Variants in BTRC observed in about 807,000 individuals in gnomAD.
The protein encoded by BTRC is F-box/WD repeat-containing protein 1A.
BTRC carries 42 observed loss-of-function variants against 85.5 expected under a neutral mutation model. That is an observed-to-expected ratio of 0.49 (90% CI 0.38 to 0.64). The LOEUF (loss-of-function observed/expected upper bound fraction) is 0.64, where lower values mean the gene tolerates loss of function less well. BTRC is among the 30% of genes least tolerant of loss of function. The pLI is 0.00. For synonymous variants in BTRC, 255 were observed against 263.3 expected, an observed-to-expected ratio of 0.97 and a Z score of 0.30; for missense variants, 594 against 743.5, an observed-to-expected ratio of 0.80 and a Z score of 2.34.
intron 2 of BTRC, among the ~76,000 whole-genome samples, chr10:101,449,495 A>G (rs1944906945): frequency 6.6e-6 from 1 of 152,158 alleles, no homozygotes; most frequent in African/African-American, 2.4e-5. Flanking sequence ...AACTATATGC[A>G]GAGGATCTCT....
At chr10:101,378,423 G>A (rs549992049) in intron 1 of BTRC, among the ~76,000 whole-genome samples, 2 of 150,976 alleles carry the variant, frequency 1.3e-5, no homozygotes, top group Middle Eastern at 3.5e-3. Context: ...ATGACTGTGA[G>A]TTTTACAGTT....
chr10:101,532,527 A>G, intron 8 of BTRC, 95 bp downstream of exon 8: 1 of 1,398,928 alleles, frequency 7.1e-7, no homozygotes, highest in Non-Finnish European at 9.4e-7. Flanking sequence ...CATTATTTCT[A>G]GAAAGTAAGT....
At chr10:101,485,016 A>G (rs1359244339) in intron 4 of BTRC, among the ~76,000 whole-genome samples, 1 of 152,246 alleles carries the variant, frequency 6.6e-6, no homozygotes, top group Non-Finnish European at 1.5e-5. Context: ...GTGCCGTTTA[A>G]GAAAAATACA....
In BTRC at chr10:101,556,657, G is replaced by T. The variant is rs2134507987; in HGVS notation, c.*3534G>T. On this transcript the variant is annotated 3_prime_UTR_variant, in exon 15 of 15. Coordinates refer to ENST00000370187, the MANE Select transcript of BTRC (RefSeq NM_033637.4). Reference sequence around the variant, plus strand: ...GGAATAAAACAGTTTCGCTTCTTTAGCTCATCTGTGGTGTCAGAATCCTTG... The same window carrying T: ...GGAATAAAACAGTTTCGCTTCTTTATCTCATCTGTGGTGTCAGAATCCTTG... 6.6e-6 allele frequency: 1 copy of T among 152,362 alleles called. No individual in the cohort carries two copies. Among genetic ancestry groups the T allele is most frequent in the South Asian group, 2.1e-4 (1 of 4,832 alleles). 9.4% of individuals were successfully genotyped at this position (152,362 alleles called of 1,614,324 possible).
In BTRC at chr10:101,425,051, A is replaced by G. The variant is rs562131814; in HGVS notation, c.49-5294A>G. Among the ~76,000 whole-genome samples the G allele has an allele frequency of 3.3e-5, 5 of 152,182 alleles. No individual in the cohort carries two copies. The East Asian group carries it at 9.7e-4, about 29-fold the overall frequency. On this transcript the variant is annotated intron_variant, in intron 1 of 14. Transcript: ENST00000370187. Reference sequence around the variant, plus strand: ...CTATGTATAAGTGAGAAAATGTGGCATTTGGTTTTCTGTTTCTGCATTAGT... The same window carrying G: ...CTATGTATAAGTGAGAAAATGTGGCGTTTGGTTTTCTGTTTCTGCATTAGT...
intron 3 of BTRC, among the ~76,000 whole-genome samples, chr10:101,464,934 A>G (rs925165076): frequency 2.4e-4 from 36 of 152,150 alleles, no homozygotes; most frequent in African/African-American, 8.2e-4. Context: ...GATGAATAGC[A>G]GGGGTCAATA....
intron 3 of BTRC, among the ~76,000 whole-genome samples, chr10:101,473,465 CTT>C (rs869163139): frequency 1.9e-4 from 18 of 96,748 alleles, no homozygotes; most frequent in Admixed American, 1.5e-3. Flanking sequence ...TCTTTTTTCT[CTT>C]TTTTTTTTTT....
chr10:101,545,745 G>A (rs899943059), intron 13 of BTRC, among the ~76,000 whole-genome samples: 2 of 152,178 alleles, frequency 1.3e-5, no homozygotes, highest in Admixed American at 6.5e-5. Flanking sequence ...GCCCCCTAGT[G>A]TATGCCATAC....
Position 101,392,181 on chromosome 10 carries a change from T to G in BTRC, c.48+37953T>G, listed in dbSNP as rs1437545014. 2.0e-5 allele frequency among the ~76,000 whole-genome samples: 3 copies of G among 152,204 alleles called. No homozygotes were observed. The East Asian group carries it at 5.8e-4, about 29-fold the overall frequency. On this transcript the variant is annotated intron_variant, in intron 1 of 14. Transcript: ENST00000370187. The stretch of plus-strand genomic sequence containing the variant: ...TTTTGATAGCGACTGGGTTTCACCA[T>G]GTTGGTCAGGGTGGTCTCAAACTCT...
chr10:101,379,448 T>C (rs1942874250), intron 1 of BTRC, among the ~76,000 whole-genome samples: 1 of 152,216 alleles, frequency 6.6e-6, no homozygotes, highest in African/African-American at 2.4e-5. Flanking sequence ...TTAGACCTGT[T>C]CTTTTTCAAT....
chr10:101,549,713 C>CAAAAAAAAAAAGAAAA (rs2062618426), intron 13 of BTRC, among the ~76,000 whole-genome samples: 1 of 42,770 alleles, frequency 2.3e-5, no homozygotes, highest in Non-Finnish European at 3.6e-5. Context: ...GACTCTGTCT[C>CAAAAAAAAAAAGAAAA]AAAAAAAAAA....
intron 1 of BTRC, among the ~76,000 whole-genome samples, chr10:101,387,955 G>A (rs924415160): frequency 6.6e-6 from 1 of 152,066 alleles, no homozygotes; most frequent in Admixed American, 6.5e-5. Context: ...CTCCCAAAGT[G>A]CTGGGATTTC....
At chr10:101,364,062 A>G (rs1456474150) in intron 1 of BTRC, among the ~76,000 whole-genome samples, 2 of 152,198 alleles carry the variant, frequency 1.3e-5, no homozygotes, top group Non-Finnish European at 2.9e-5. Context: ...AGTAACTTGC[A>G]CAATACTATA....
chr10:101,426,151 G>A (rs1327655604), intron 1 of BTRC, among the ~76,000 whole-genome samples: 1 of 152,132 alleles, frequency 6.6e-6, no homozygotes, highest in Admixed American at 6.5e-5. Context: ...TAAATGTGAA[G>A]ATAGAAGGGA....
chr10:101,492,902 G>A (rs1480009882), intron 4 of BTRC, among the ~76,000 whole-genome samples: 1 of 152,138 alleles, frequency 6.6e-6, no homozygotes, highest in African/African-American at 2.4e-5. Context: ...AGGAGCTACT[G>A]TCTCAACATT....
intron 4 of BTRC, among the ~76,000 whole-genome samples, chr10:101,482,273 A>C (rs1425526871): frequency 6.6e-6 from 1 of 152,076 alleles, no homozygotes; most frequent in East Asian, 1.9e-4. Flanking sequence ...TCTCTGCCTC[A>C]GCCTCCCAAA....
At chr10:101,517,213 G>A (rs11191034) in intron 4 of BTRC, among the ~76,000 whole-genome samples, 1 of 152,160 alleles carries the variant, frequency 6.6e-6, no homozygotes, top group South Asian at 2.1e-4. Context: ...CAACACACCA[G>A]GATTACAGGT....
chr10:101,518,230 G>A (rs1328764809), intron 4 of BTRC, among the ~76,000 whole-genome samples: 1 of 152,102 alleles, frequency 6.6e-6, no homozygotes, highest in Non-Finnish European at 1.5e-5. Context: ...GTCTTAATTG[G>A]CCTCCTTCTA....
intron 2 of BTRC, among the ~76,000 whole-genome samples, chr10:101,454,604 A>G (rs530347318): frequency 1.3e-5 from 2 of 151,796 alleles, no homozygotes; most frequent in East Asian, 3.9e-4. Flanking sequence ...TATAGTGAGA[A>G]CCCCTGTATC....
Sources: allele counts gnomAD v4.1 joint callset (sites outside exome capture counted in the v4.1 genomes callset), GRCh38; gene constraint gnomAD v4.1.1; transcripts MANE v1.5; gene names NCBI Gene and HGNC (gene_info 2026-07-23, HGNC 2026-07-21).